LTBP4: variants seen among roughly 807,000 people sequenced by gnomAD.
LTBP4 encodes latent-transforming growth factor beta-binding protein 4.
LTBP4 carries 93 observed loss-of-function variants against 180.2 expected under a neutral mutation model. That is an observed-to-expected ratio of 0.52 (90% confidence interval 0.44 to 0.61). LTBP4 has a LOEUF of 0.61. Ranked by LOEUF, LTBP4 falls within the 20% of genes least tolerant of loss-of-function variation. The pLI, the probability that LTBP4 is intolerant of heterozygous loss-of-function variation, is 0.00. For missense variants in LTBP4, 2,116 were observed against 2,256.5 expected, an observed-to-expected ratio of 0.94 and a Z score of 1.26; for synonymous variants, 947 against 934.5, an observed-to-expected ratio of 1.01 and a Z score of -0.24.
chr19:40,614,300 G>T lies in LTBP4; in HGVS notation c.2681-15G>T, dbSNP rs1313239717. 2 of 1,590,824 alleles carry T rather than the reference G, an allele frequency of 1.3e-6. No homozygotes were observed. The highest frequency in any genetic ancestry group is 1.7e-5 in the Admixed American group (1 of 59,818). On this transcript the variant is annotated splice_polypyrimidine_tract_variant and intron_variant, in intron 18 of 29. Coordinates refer to ENST00000396819, the MANE Select transcript of LTBP4 (RefSeq NM_001042545.2). Reference sequence around the variant, plus strand: ...CCCTGCTTCCCACATCCGACCACCCGACCTCTCTCCTCAGACGTGGACGAA... The same window carrying T: ...CCCTGCTTCCCACATCCGACCACCCTACCTCTCTCCTCAGACGTGGACGAA...
chr19:40,597,256 G>T (rs1003104582), upstream of LTBP4: 67 of 1,508,274 alleles, frequency 4.4e-5, no homozygotes, highest in Non-Finnish European at 5.7e-5. Flanking sequence ...TGGCACCAGC[G>T]GCCGCCGCCC....
At chr19:40,625,241 A>T (rs2081615454) in intron 26 of LTBP4, among the ~76,000 whole-genome samples, 1 of 99,106 alleles carries the variant, frequency 1.0e-5, no homozygotes, top group African/African-American at 3.7e-5. Flanking sequence ...AAGCCTGGCT[A>T]ATTTTTGTAT....
At chr19:40,607,632 G>A (rs1250312891) in intron 7 of LTBP4, 103 bp downstream of exon 7, 13 of 1,355,926 alleles carry the variant, frequency 9.6e-6, no homozygotes, top group Non-Finnish European at 1.3e-5. Context: ...CTGACTGGCT[G>A]GGCTCCAGCC....
At chr19:40,607,652 C>A in intron 7 of LTBP4, 123 bp downstream of exon 7, 1 of 1,150,628 alleles carries the variant, frequency 8.7e-7, no homozygotes, top group Non-Finnish European at 1.2e-6. Context: ...CTTGGCCACG[C>A]AGCAGCCTCT....
At chr19:40,612,962 C>A (rs957557484) in intron 15 of LTBP4, 103 bp from the exon 16 acceptor site, 1 of 1,231,916 alleles carries the variant, frequency 8.1e-7, no homozygotes, top group African/African-American at 1.5e-5. Flanking sequence ...CAGCCTCCAA[C>A]TCATGAGACT....
intron 1 of LTBP4, among the ~76,000 whole-genome samples, chr19:40,604,832 T>A (rs891929906): frequency 6.6e-6 from 1 of 152,108 alleles, no homozygotes; most frequent in African/African-American, 2.4e-5. Flanking sequence ...TAGAGCGAGA[T>A]CCTGCCGACT....
At chr19:40,621,438 T>G (rs1158476076) in intron 22 of LTBP4, among the ~76,000 whole-genome samples, 1 of 152,222 alleles carries the variant, frequency 6.6e-6, no homozygotes, top group African/African-American at 2.4e-5. Flanking sequence ...TCCATGTTGC[T>G]GCTAAGGACA....
rs2369006 is a variant in LTBP4 at position 40,614,177 on chromosome 19, A to T, written c.2681-138A>T. ...CCCGCCTCCTCTCCTAGCCTCCCCAACTCTCCTCTACCCCAATCTTCTCCT... is the reference window on the plus strand; with the variant it reads ...CCCGCCTCCTCTCCTAGCCTCCCCATCTCTCCTCTACCCCAATCTTCTCCT... On this transcript the variant is annotated intron_variant, in intron 18 of 29. Coordinates refer to ENST00000396819, the MANE Select transcript of LTBP4 (RefSeq NM_001042545.2). The T allele has an allele frequency of 0.32, 449,406 of 1,398,514 alleles. 74,481 individuals carry two copies. Among genetic ancestry groups the T allele is most frequent in the South Asian group, 0.48 (37,008 of 76,564 alleles). 86.6% of individuals were successfully genotyped at this position (1,398,514 alleles called of 1,614,324 possible). A position where few individuals can be genotyped will look rare whatever the true frequency, so the allele number is the denominator to read the frequency against.
chr19:40,595,454 C>T (rs2081384978), intron 1 of LTBP4, among the ~76,000 whole-genome samples: 2 of 184 alleles, frequency 0.011, no homozygotes, highest in South Asian at 0.5. Context: ...GATCTGCTCC[C>T]AGGGGGTCCT....
In LTBP4 at chr19:40,625,283, TATATATATATATATA is replaced by T. The variant is rs2081620369; in HGVS notation, c.3833-573_3833-559del. 1.8e-3 allele frequency among the ~76,000 whole-genome samples: 16 copies of T among 8,706 alleles called. 2 individuals carry two copies. The African/African-American group carries it at 0.019, about 10-fold the overall frequency. 5.7% of individuals were successfully genotyped at this position (8,706 alleles called of 152,430 possible). A position where few individuals can be genotyped will look rare whatever the true frequency, so the allele number is the denominator to read the frequency against. The stretch of plus-strand genomic sequence containing the variant: ...ATATATATATATATATATATATATA[TATATATATATATATA>T]TATATATATATATATATATTTTTTT... On this transcript the variant is annotated intron_variant, in intron 26 of 29. Transcript: ENST00000396819.
chr19:40,625,384 A>AC (rs111525174), intron 26 of LTBP4, among the ~76,000 whole-genome samples: 4 of 139,568 alleles, frequency 2.9e-5, no homozygotes, highest in Non-Finnish European at 6.2e-5. Context: ...GGCTCAAGCA[A>AC]CCCCCCCACC....
intron 29 of LTBP4, 92 bp downstream of exon 29, chr19:40,627,949 C>T: frequency 6.8e-7 from 1 of 1,460,624 alleles, no homozygotes; most frequent in Non-Finnish European, 9.1e-7. Context: ...TGGTCAGGGA[C>T]GGGAAAGGAC....
Position 40,619,388 on chromosome 19 carries a change from G to T in LTBP4, c.3112G>T (p.Ala1038Ser), listed in dbSNP as rs1183346642. The T allele has an allele frequency of 8.7e-6, 14 of 1,613,782 alleles. No individual in the cohort carries two copies. The highest frequency in any genetic ancestry group is 2.7e-5 in the African/African-American group (2 of 74,880). Reference protein sequence around the residue: ...CETLQGVCGAALCENVEGSFL... With the variant: ...CETLQGVCGASLCENVEGSFL... ...AACACTACAGGGTGTATGTGGAGCT[G>T]CCCTGTGTGAAAATGTCGAAGGCTC... Residue 1038 changes from alanine (A) to serine (S), a missense_variant, in exon 22 of 30, where the codon GCC becomes TCC. Ala to Ser is a moderately conservative substitution (Grantham distance 99). This residue lies in a region of LTBP4 where 278 missense variants were observed against 373.0 expected (regional missense o/e 0.75). Transcript: ENST00000396819.
chr19:40,593,643 C>T (rs2081377120), intron 1 of LTBP4, among the ~76,000 whole-genome samples: 1 of 150,758 alleles, frequency 6.6e-6, no homozygotes, highest in South Asian at 2.1e-4. Flanking sequence ...CCTGGAAGGT[C>T]AGGAAATCTA....
Position 40,606,299 on chromosome 19 carries a change from C to G in LTBP4, c.860C>G (p.Ser287Cys). The change falls in exon 5 of 30, where the codon TCC (serine) becomes TGC (cysteine). Residue 287 changes from serine to cysteine, a missense_variant. Physicochemically the swap from Ser to Cys is moderately radical, Grantham distance 112. Around this residue, in one of 5 missense-constraint regions of LTBP4, gnomAD observed 469 missense variants for 532.5 expected, o/e 0.88. Coordinates refer to ENST00000396819, the MANE Select transcript of LTBP4 (RefSeq NM_001042545.2). The part of the protein sequence containing the change: ...CPTGFERVNG[S>C]CEDVDECATG... Reference sequence around the variant, plus strand: ...ACCGGCTTTGAAAGAGTTAATGGGTCCTGCGAAGGTGCAACGGGGCAGGGG... The same window carrying G: ...ACCGGCTTTGAAAGAGTTAATGGGTGCTGCGAAGGTGCAACGGGGCAGGGG... 1 of 1,601,566 alleles carries G rather than the reference C, an allele frequency of 6.2e-7. No homozygotes were observed. Among genetic ancestry groups the G allele is most frequent in the Non-Finnish European group, 8.5e-7 (1 of 1,174,242 alleles).
At position 40,613,243 on chromosome 19, in the gene LTBP4, G is replaced by A; in HGVS notation, c.2431+47G>A. The A allele has an allele frequency of 1.9e-6, 3 of 1,547,210 alleles. No homozygotes were observed. The highest frequency in any genetic ancestry group is 2.6e-6 in the Non-Finnish European group (3 of 1,143,258). ...CAGAGAGTCTGGGAGTAGGGCCTGG[G>A]TTCCAGGGCAAAGCCGGCTGGAAAG... On this transcript the variant is annotated intron_variant, in intron 16 of 29. Transcript: ENST00000396819. This position sits in a 1 kb window ranked among gnomAD's most constrained non-coding sequence, Gnocchi z 5.0.
At chr19:40,600,182 G>A, upstream of LTBP4, 1 of 1,247,594 alleles carries the variant, frequency 8.0e-7, no homozygotes, top group East Asian at 3.2e-5. The surrounding 1 kb of genome is among the most constrained non-coding windows in gnomAD (Gnocchi z 4.4). Flanking sequence ...CCCCGGGTAA[G>A]CACATCCGCC....
At chr19:40,596,447 G>C (rs2081390839), upstream of LTBP4, among the ~76,000 whole-genome samples, 1 of 152,162 alleles carries the variant, frequency 6.6e-6, no homozygotes, top group Non-Finnish European at 1.5e-5. Context: ...GGCAAGGAAG[G>C]GGGTCTGATA....
At position 40,601,509 on chromosome 19, in the gene LTBP4, G is replaced by C. The variant is rs1157750167; in HGVS notation, c.122G>C (p.Cys41Ser). Residue 41 changes from cysteine to serine, a missense_variant, in exon 1 of 30, where the codon TGC (cysteine) becomes TCC (serine). Cys to Ser is a moderately radical substitution (Grantham distance 112). Around this residue, in one of 5 missense-constraint regions of LTBP4, gnomAD observed 469 missense variants for 532.5 expected, o/e 0.88. Transcript: ENST00000396819. Reference sequence around the variant, plus strand: ...CGCGTGCGCTTCACCCCGGTCGTGTGCGGCCTGCGCTGCGTCCATGGGCCG... The same window carrying C: ...CGCGTGCGCTTCACCCCGGTCGTGTCCGGCCTGCGCTGCGTCCATGGGCCG... ...RLRVRFTPVV[C>S]GLRCVHGPTG... 6.7e-7 allele frequency: 1 copy of C among 1,498,138 alleles called. No individual in the cohort carries two copies. The highest frequency in any genetic ancestry group is 2.1e-5 in the Admixed American group (1 of 46,778). 92.8% of individuals were successfully genotyped at this position (1,498,138 alleles called of 1,614,324 possible). A position where few individuals can be genotyped will look rare whatever the true frequency, so the allele number is the denominator to read the frequency against.
Sources: allele counts gnomAD v4.1 joint callset (sites outside exome capture counted in the v4.1 genomes callset), GRCh38; gene constraint gnomAD v4.1.1; regional missense constraint gnomAD v4.1.1; non-coding constraint Gnocchi (gnomAD v3.1); transcripts MANE v1.5; gene names NCBI Gene and HGNC (gene_info 2026-07-23, HGNC 2026-07-21).